The following MAP3K1 variants were observed in gnomAD, a reference collection of about 807,000 sequenced individuals.
The protein encoded by MAP3K1 is MAP/ERK kinase kinase 1.
MAP3K1 carries 36 observed loss-of-function variants against 144.2 expected under a neutral mutation model. That is an observed-to-expected ratio of 0.25 (90% CI 0.19 to 0.33). MAP3K1 has a LOEUF of 0.33. Among genes scored for constraint, MAP3K1 ranks in the 10% least tolerant of loss-of-function variants. The pLI, the probability that MAP3K1 is intolerant of heterozygous loss-of-function variation, is 1.00. For synonymous variants in MAP3K1, 718 were observed against 688.7 expected (o/e 1.04, Z -0.67); for missense variants, 1,650 against 1,881.9 (o/e 0.88, Z 2.28).
chr5:56,881,285 C>T lies in MAP3K1; in HGVS notation c.2369+13C>T, dbSNP rs1339186137. The T allele has an allele frequency of 1.9e-6, 3 of 1,605,348 alleles. No individual in the cohort carries two copies. In the Admixed American group the frequency reaches 5.0e-5, roughly 27 times the overall value. Reference sequence around the variant, plus strand: ...CTGTTGAAATCAGGTAATTTTTCTTCTGAAAATGTATTACTTGTATCTTCC... The same window carrying T: ...CTGTTGAAATCAGGTAATTTTTCTTTTGAAAATGTATTACTTGTATCTTCC... On this transcript the variant is annotated intron_variant, in intron 13 of 19. Transcript: ENST00000399503.
intron 1 of MAP3K1, among the ~76,000 whole-genome samples, chr5:56,856,180 T>C (rs1747339036): frequency 6.6e-6 from 1 of 152,254 alleles, no homozygotes; most frequent in South Asian, 2.1e-4. Flanking sequence ...ACTTCACTTA[T>C]TAAATATTTA....
chr5:56,830,348 T>C (rs898511750), intron 1 of MAP3K1, among the ~76,000 whole-genome samples: 1 of 152,132 alleles, frequency 6.6e-6, no homozygotes, highest in Admixed American at 6.5e-5. Flanking sequence ...AAAATGAAAT[T>C]TTTTTTCCCC....
chr5:56,862,825 G>C (rs1443857819), intron 3 of MAP3K1, among the ~76,000 whole-genome samples: 1 of 152,006 alleles, frequency 6.6e-6, no homozygotes, highest in Non-Finnish European at 1.5e-5. Flanking sequence ...CTTTATTGAT[G>C]TGTAATTCAT....
At chr5:56,861,590 A>AGGG (rs149128894) in intron 3 of MAP3K1, among the ~76,000 whole-genome samples, 67,084 of 134,274 alleles carry the variant, frequency 0.5, 18,517 homozygotes, top group Non-Finnish European at 0.6. Context: ...AAAAAAAAAA[A>AGGG]GGGGCTATTA....
intron 1 of MAP3K1, among the ~76,000 whole-genome samples, chr5:56,834,641 G>A (rs1198497815): frequency 2.6e-5 from 4 of 152,128 alleles, no homozygotes; most frequent in African/African-American, 7.2e-5. Context: ...CCCGAGAGGC[G>A]GATGTTGCAG....
In MAP3K1 at chr5:56,881,500, C is replaced by T. The variant is rs1748204998; in HGVS notation, c.2370-70C>T. On this transcript the variant is annotated intron_variant, in intron 13 of 19. Coordinates refer to ENST00000399503, the MANE Select transcript of MAP3K1 (RefSeq NM_005921.2). ...AAGTATACATGCTGTAAATTACTAC[C>T]ATTTTTTAAGTTTCCATGTATTTTT... 3 of 1,263,468 alleles carry T rather than the reference C, an allele frequency of 2.4e-6. No homozygotes were observed. The Admixed American group carries it at 5.1e-5, about 22-fold the overall frequency. 78.3% of individuals were successfully genotyped at this position (1,263,468 alleles called of 1,614,324 possible).
rs564326774 is a variant in MAP3K1, at chr5:56,891,819, A to T, written c.4390-1712A>T. On this transcript the variant is annotated intron_variant, in intron 19 of 19. Transcript: ENST00000399503. Reference sequence around the variant, plus strand: ...CATTTCCCCATTTCTTGTTTTTGTCAGGTTTGTCAAAGATCAGATGGTTGT... The same window carrying T: ...CATTTCCCCATTTCTTGTTTTTGTCTGGTTTGTCAAAGATCAGATGGTTGT... Among the ~76,000 whole-genome samples the T allele has an allele frequency of 1.9e-4, 29 of 152,194 alleles. No individual in the cohort carries two copies. The South Asian group carries it at 5.0e-3, about 26-fold the overall frequency.
At chr5:56,861,566 CCTAA>C (rs1561186252) in intron 3 of MAP3K1, among the ~76,000 whole-genome samples, 1 of 85,606 alleles carries the variant, frequency 1.2e-5, no homozygotes, top group Non-Finnish European at 2.3e-5. Context: ...GAGTGAGACT[CCTAA>C]AAAAAAAAAA....
At position 56,879,040 on chromosome 5, in the gene MAP3K1, C is replaced by T. The variant is rs2111932450; in HGVS notation, c.2026C>T (p.Leu676Phe). The change falls in exon 11 of 20, where the codon CTT becomes TTT. Residue 676 changes from leucine (L) to phenylalanine (F), a missense_variant. Transcript: ENST00000399503. ...CCACAGTTTAGCGGAAAGAATCAAA[C>T]TTCAGAGACTTCTCCAGCCAGTTGT... ...PCHSLAERIKLQRLLQPVVDT... is the reference protein window; with the variant it reads ...PCHSLAERIKFQRLLQPVVDT... 6.2e-7 allele frequency: 1 copy of T among 1,613,948 alleles called. No homozygotes were observed. Among genetic ancestry groups the T allele is most frequent in the Non-Finnish European group, 8.5e-7 (1 of 1,179,868 alleles).
chr5:56,820,915 C>T, intron 1 of MAP3K1: 1 of 479,678 alleles, frequency 2.1e-6, no homozygotes, highest in Non-Finnish European at 2.7e-6. Flanking sequence ...CAAACTATTT[C>T]TGCCTATTTT....
chr5:56,868,598 A>T (rs1380710788), intron 6 of MAP3K1, among the ~76,000 whole-genome samples: 1 of 152,082 alleles, frequency 6.6e-6, no homozygotes, highest in Non-Finnish European at 1.5e-5. Context: ...GTTAACCAGG[A>T]TAGTCTCGAT....
chr5:56,889,821 G>C (rs1748492544), intron 19 of MAP3K1, among the ~76,000 whole-genome samples: 2 of 152,038 alleles, frequency 1.3e-5, no homozygotes, highest in Admixed American at 1.3e-4. Flanking sequence ...CCTTAGTCAA[G>C]CACTCAGCCC....
At chr5:56,837,883 C>T (rs1197482660) in intron 1 of MAP3K1, among the ~76,000 whole-genome samples, 3 of 152,070 alleles carry the variant, frequency 2.0e-5, no homozygotes, top group South Asian at 4.1e-4. Flanking sequence ...TTTTAGGGGA[C>T]GTGGCCAGTG....
intron 1 of MAP3K1, among the ~76,000 whole-genome samples, chr5:56,835,372 A>AGACAGGAAGGCAGGGAAGAGTT (rs1561168636): frequency 2.9e-4 from 38 of 130,188 alleles, no homozygotes; most frequent in African/African-American, 1.2e-3. Flanking sequence ...AGGGAAGAGG[A>AGACAGGAAGGCAGGGAAGAGTT]GACAGGAAGG....
intron 19 of MAP3K1, among the ~76,000 whole-genome samples, chr5:56,889,132 C>G (rs1172466520): frequency 6.6e-6 from 1 of 152,160 alleles, no homozygotes; most frequent in African/African-American, 2.4e-5. Context: ...ATTCAAAAAT[C>G]TTAAAATCTA....
Position 56,815,629 on chromosome 5 carries a change from C to A in MAP3K1, c.56C>A (p.Ala19Asp), listed in dbSNP as rs951507666. 1.1e-5 allele frequency: 15 copies of A among 1,324,228 alleles called. No individual in the cohort carries two copies. Among genetic ancestry groups the A allele is most frequent in the Non-Finnish European group, 1.4e-5 (15 of 1,037,914 alleles). 82.0% of individuals were successfully genotyped at this position (1,324,228 alleles called of 1,614,324 possible). The change falls in exon 1 of 20, where the codon GCT (alanine) becomes GAT (aspartate). Residue 19 changes from alanine to aspartate, a missense_variant. Coordinates refer to ENST00000399503, the MANE Select transcript of MAP3K1 (RefSeq NM_005921.2). Reference protein sequence around the residue: ...ASSSGFPGARATSPEAGGGGG... With the variant: ...ASSSGFPGARDTSPEAGGGGG... ...TCGTCGGGATTCCCGGGCGCCAGGG[C>A]TACGAGCCCTGAGGCAGGCGGCGGC...
chr5:56,880,557 G>A (rs1446338568), intron 11 of MAP3K1, among the ~76,000 whole-genome samples, 154 bp from the exon 12 acceptor site: 1 of 152,076 alleles, frequency 6.6e-6, no homozygotes, highest in African/African-American at 2.4e-5. Context: ...ACTACTTATG[G>A]TGACATTGTT....
At position 56,815,799 on chromosome 5, in the gene MAP3K1, C is replaced by G; in HGVS notation, c.226C>G (p.Gln76Glu). 1.4e-6 allele frequency: 2 copies of G among 1,424,042 alleles called. No homozygotes were observed. The highest frequency in any genetic ancestry group is 1.8e-6 in the Non-Finnish European group (2 of 1,086,022). The allele number at this position is 1,424,042 out of a possible 1,614,324, so 88.2% of individuals were successfully genotyped here. The change falls in exon 1 of 20, where the codon CAG becomes GAG. Residue 76 changes from glutamine (Q) to glutamate (E), a missense_variant. Gln to Glu is a conservative substitution (Grantham distance 29, BLOSUM62 2). Transcript: ENST00000399503. The part of the protein sequence containing the change: ...RSVELDQLPE[Q>E]PLFLAASPPA... ...TGTGGAGCTGGACCAGCTGCCTGAG[C>G]AGCCGCTCTTCCTTGCCGCCTCACC...
intron 10 of MAP3K1, among the ~76,000 whole-genome samples, chr5:56,877,879 A>C (rs1387102602): frequency 1.3e-5 from 2 of 152,076 alleles, no homozygotes; most frequent in Non-Finnish European, 2.9e-5. Flanking sequence ...GTTTTTAATG[A>C]CCTTGACAGA....
Sources: allele counts gnomAD v4.1 joint callset (sites outside exome capture counted in the v4.1 genomes callset), GRCh38; gene constraint gnomAD v4.1.1; transcripts MANE v1.5; gene names NCBI Gene and HGNC (gene_info 2026-07-23, HGNC 2026-07-21).